Variants in NCAM2 observed in about 807,000 individuals in gnomAD.
NCAM2 encodes the protein neural cell adhesion molecule 2.
In NCAM2, 30 loss-of-function variants were observed where a neutral mutation model predicts 98.1. The ratio of observed to expected loss-of-function variants is 0.31; its 90% CI spans 0.23 to 0.41. The LOEUF is 0.41. Ranked by LOEUF, NCAM2 falls within the 10% of genes least tolerant of loss-of-function variation. The pLI is 1.00. For missense variants in NCAM2, 867 were observed against 1,005.8 expected (o/e 0.86, Z 1.87); for synonymous variants, 368 against 342.4 (o/e 1.07, Z -0.83).
chr21:21,299,357 G>A (rs1034613158), intron 5 of NCAM2, among the ~76,000 whole-genome samples: 7 of 150,634 alleles, frequency 4.6e-5, no homozygotes, highest in African/African-American at 1.7e-4. Context: ...ATAGGTATTC[G>A]GAGAATGTCT....
chr21:21,067,015 C>A (rs879339640), intron 1 of NCAM2, among the ~76,000 whole-genome samples: 2 of 151,754 alleles, frequency 1.3e-5, no homozygotes, highest in Non-Finnish European at 2.9e-5. Context: ...AAAATATATG[C>A]GTCTGTTTAA....
chr21:21,363,928 TTTC>T (rs2075718548), intron 8 of NCAM2, among the ~76,000 whole-genome samples: 1 of 151,994 alleles, frequency 6.6e-6, no homozygotes, highest in African/African-American at 2.4e-5. Flanking sequence ...CTCTGAAGAG[TTTC>T]TTCTCTTTTA....
Position 20,998,555 on chromosome 21 carries a change from G to C in NCAM2, c.-9G>C. On this transcript the variant is annotated 5_prime_UTR_variant, in exon 1 of 18. Coordinates refer to ENST00000400546, the MANE Select transcript of NCAM2 (RefSeq NM_004540.5). ...CTTTGAAACTGTCCACCGGTGTCAC[G>C]TCCTGAACATGAGCCTCCTCCTCTC... The C allele has an allele frequency of 6.2e-7, 1 of 1,613,844 alleles. No homozygotes were observed. The highest frequency in any genetic ancestry group is 8.5e-7 in the Non-Finnish European group (1 of 1,179,804).
intron 1 of NCAM2, among the ~76,000 whole-genome samples, chr21:21,272,934 T>TCTCACACACA (rs201698643): frequency 1.6e-5 from 2 of 124,872 alleles, no homozygotes; most frequent in East Asian, 5.1e-4. Context: ...GGACATGCAT[T>TCTCACACACA]CACACACACA....
At chr21:21,269,693 A>G (rs1359708855) in intron 1 of NCAM2, among the ~76,000 whole-genome samples, 1 of 152,210 alleles carries the variant, frequency 6.6e-6, no homozygotes, top group Non-Finnish European at 1.5e-5. Context: ...AACATCTTTC[A>G]TAAGTCTCTC....
intron 1 of NCAM2, among the ~76,000 whole-genome samples, chr21:21,219,286 C>A (rs1412327458): frequency 1.3e-5 from 2 of 152,038 alleles, no homozygotes; most frequent in Admixed American, 6.6e-5. Context: ...TTGAAAGCCA[C>A]CAAGATTGTG....
At chr21:21,059,450 C>T (rs993986757) in intron 1 of NCAM2, among the ~76,000 whole-genome samples, 4 of 152,050 alleles carry the variant, frequency 2.6e-5, no homozygotes, top group African/African-American at 7.2e-5. Flanking sequence ...GACTTTGTGG[C>T]TGCTGAGTTG....
rs1378168583 is a variant in NCAM2 at position 21,094,544 on chromosome 21, C to G, written c.55+95926C>G. On this transcript the variant is annotated intron_variant, in intron 1 of 17. Transcript: ENST00000400546. ...AACTATGATTTATCTTCTAGATAAA[C>G]TGTTATTTAGAATTGCATGTGTAAT... Among the ~76,000 whole-genome samples, 6 of 151,700 alleles carry G rather than the reference C, an allele frequency of 4.0e-5. No individual in the cohort carries two copies. In the South Asian group the frequency reaches 1.2e-3, roughly 32 times the overall value.
At chr21:21,288,603 T>TA (rs1568888613) in intron 4 of NCAM2, among the ~76,000 whole-genome samples, 1 of 151,644 alleles carries the variant, frequency 6.6e-6, no homozygotes, top group Non-Finnish European at 1.5e-5. Context: ...AACCTTGAAA[T>TA]AGTGTAGAAA....
chr21:21,335,885 G>A (rs2276218), intron 7 of NCAM2, among the ~76,000 whole-genome samples: 86,165 of 151,912 alleles, frequency 0.57, 24,639 homozygotes, highest in Admixed American at 0.65. Flanking sequence ...GCTTACAGAA[G>A]CTGGAAAAAA....
At chr21:21,070,104 G>A (rs1387351463) in intron 1 of NCAM2, among the ~76,000 whole-genome samples, 1 of 151,992 alleles carries the variant, frequency 6.6e-6, no homozygotes, top group Non-Finnish European at 1.5e-5. Context: ...CCTGGTTCGT[G>A]AAAATTTGGT....
intron 15 of NCAM2, among the ~76,000 whole-genome samples, chr21:21,480,299 G>C (rs376079475): frequency 2.0e-5 from 3 of 149,930 alleles, no homozygotes; most frequent in African/African-American, 7.5e-5. Flanking sequence ...CCTGGAAGGC[G>C]GAGCTTGCAG....
intron 1 of NCAM2, among the ~76,000 whole-genome samples, chr21:21,052,107 A>G (rs1159304961): frequency 6.8e-6 from 1 of 147,432 alleles, no homozygotes; most frequent in African/African-American, 2.5e-5. Flanking sequence ...TTTAACCAGG[A>G]TTTTCGTAAG....
chr21:21,296,236 C>A (rs899936379), intron 5 of NCAM2, among the ~76,000 whole-genome samples: 1 of 151,694 alleles, frequency 6.6e-6, no homozygotes, highest in Non-Finnish European at 1.5e-5. Flanking sequence ...AAGCATTTAA[C>A]AAATGCAGTT....
At chr21:21,043,771 G>A (rs1451645092) in intron 1 of NCAM2, among the ~76,000 whole-genome samples, 15 of 148,970 alleles carry the variant, frequency 1.0e-4, no homozygotes, top group African/African-American at 3.5e-4. Flanking sequence ...GGAGAGTGGC[G>A]TGAACCCGGG....
intron 4 of NCAM2, among the ~76,000 whole-genome samples, chr21:21,287,818 C>T (rs2073153180): frequency 6.6e-6 from 1 of 151,870 alleles, no homozygotes; most frequent in Non-Finnish European, 1.5e-5. Context: ...TCCATTTTGG[C>T]TTTCCTCCTT....
chr21:21,151,952 G>T (rs148000645), intron 1 of NCAM2, among the ~76,000 whole-genome samples: 8 of 151,968 alleles, frequency 5.3e-5, no homozygotes, highest in African/African-American at 1.4e-4. Flanking sequence ...TTCTTTATGT[G>T]TATCCTAATT....
In NCAM2 at chr21:21,090,823, T is replaced by C. The variant is rs888233259; in HGVS notation, c.55+92205T>C. ...TGCCTCAGTATTCTCGCCTCAGATA[T>C]GTGCCAGGCTTGCTGTCTTACCTAT... On this transcript the variant is annotated intron_variant, in intron 1 of 17. Transcript: ENST00000400546. 3.3e-5 allele frequency among the ~76,000 whole-genome samples: 5 copies of C among 152,294 alleles called. No homozygotes were observed. The East Asian group carries it at 9.6e-4, about 29-fold the overall frequency.
At chr21:21,380,231 T>C (rs1488921759) in intron 9 of NCAM2, among the ~76,000 whole-genome samples, 1 of 152,208 alleles carries the variant, frequency 6.6e-6, no homozygotes, top group African/African-American at 2.4e-5. Context: ...TTAAAACTTC[T>C]ATCCTTACTG....
Sources: allele counts gnomAD v4.1 joint callset (sites outside exome capture counted in the v4.1 genomes callset), GRCh38; gene constraint gnomAD v4.1.1; transcripts MANE v1.5; gene names NCBI Gene and HGNC (gene_info 2026-07-23, HGNC 2026-07-21).